KCNN2: variants seen among roughly 807,000 people sequenced by gnomAD.
KCNN2 encodes the protein potassium calcium-activated channel subfamily N member 2.
Under a neutral mutation model 55.5 loss-of-function variants are expected in KCNN2, and 24 were observed. The ratio of observed to expected loss-of-function variants is 0.43; its 90% CI spans 0.31 to 0.61. KCNN2 has a LOEUF of 0.61. KCNN2 is among the 20% of genes least tolerant of loss of function. The probability of loss-of-function intolerance (pLI) is 0.08; values close to 1 mark genes in which losing one functional copy is unlikely to be tolerated. For synonymous variants in KCNN2, 431 were observed against 336.1 expected, an observed-to-expected ratio of 1.28 and a Z score of -3.09; for missense variants, 754 against 853.6, an observed-to-expected ratio of 0.88 and a Z score of 1.45.
intron 2 of KCNN2, among the ~76,000 whole-genome samples, chr5:114,351,216 T>C (rs1188552864): frequency 1.3e-5 from 2 of 151,806 alleles, no homozygotes; most frequent in African/African-American, 4.8e-5. Flanking sequence ...ACTTTACAAA[T>C]GCAATCATTT....
intron 1 of KCNN2, among the ~76,000 whole-genome samples, chr5:114,133,133 A>T (rs1276807248): frequency 6.6e-6 from 1 of 152,180 alleles, no homozygotes; most frequent in African/African-American, 2.4e-5. Context: ...TGTCTATGTA[A>T]TTAGGGCATT....
At position 114,153,949 on chromosome 5, in the gene KCNN2, C is replaced by T. The variant is rs987703375; in HGVS notation, c.-270-67531C>T. On this transcript the variant is annotated intron_variant, in intron 1 of 10. Transcript: ENST00000512097. The stretch of plus-strand genomic sequence containing the variant: ...CTCTCAAGGTGATTTTCTAGACAAC[C>T]CTCTCCTAAGTTGCAGGCATTACTC... Among the ~76,000 whole-genome samples, 23 of 152,120 alleles carry T rather than the reference C, an allele frequency of 1.5e-4. 1 individual carries two copies. The highest frequency in any genetic ancestry group is 5.9e-4 in the Admixed American group (9 of 15,258).
intron 1 of KCNN2, among the ~76,000 whole-genome samples, chr5:114,089,336 C>T (rs2954366): frequency 0.78 from 118,823 of 152,092 alleles, 46,531 homozygotes; most frequent in African/African-American, 0.84. Context: ...ATTCCAGTCC[C>T]GGCTTAGTCC....
At chr5:114,180,155 T>G (rs370984737) in intron 1 of KCNN2, among the ~76,000 whole-genome samples, 1 of 152,176 alleles carries the variant, frequency 6.6e-6, no homozygotes, top group Admixed American at 6.5e-5. Context: ...ACAGTTTGAG[T>G]TGACAAATTC....
intron 2 of KCNN2, among the ~76,000 whole-genome samples, chr5:114,289,369 CTTTT>C (rs80026839): frequency 3.0e-5 from 4 of 132,108 alleles, no homozygotes; most frequent in Non-Finnish European, 3.2e-5. Context: ...TTAGAATCAA[CTTTT>C]TTTTTTTTTT....
At chr5:114,140,706 A>T (rs1413131415) in intron 1 of KCNN2, among the ~76,000 whole-genome samples, 1 of 149,870 alleles carries the variant, frequency 6.7e-6, no homozygotes, top group African/African-American at 2.4e-5. Flanking sequence ...ATAAAACCAA[A>T]AATGTTATCA....
At chr5:114,372,403 T>A (rs1757788571) in intron 2 of KCNN2, among the ~76,000 whole-genome samples, 1 of 152,196 alleles carries the variant, frequency 6.6e-6, no homozygotes, top group Non-Finnish European at 1.5e-5. Flanking sequence ...CTAGTTTGTG[T>A]ACAAGAATTT....
chr5:114,114,210 A>G (rs1183721185), intron 1 of KCNN2, among the ~76,000 whole-genome samples: 6 of 152,048 alleles, frequency 3.9e-5, no homozygotes. Flanking sequence ...CCTGGACTGC[A>G]CTGGTGGAAT....
At chr5:114,178,904 C>T (rs1753186220) in intron 1 of KCNN2, among the ~76,000 whole-genome samples, 1 of 152,116 alleles carries the variant, frequency 6.6e-6, no homozygotes, top group Non-Finnish European at 1.5e-5. Flanking sequence ...TTCCTGTGAC[C>T]TTCAGTCTTT....
At chr5:114,111,834 G>A (rs1751603869) in intron 1 of KCNN2, among the ~76,000 whole-genome samples, 2 of 152,174 alleles carry the variant, frequency 1.3e-5, no homozygotes, top group South Asian at 4.1e-4. Flanking sequence ...AACAACAGGT[G>A]CTGGAGAGGA....
chr5:114,074,096 C>T (rs951177346), intron 1 of KCNN2, among the ~76,000 whole-genome samples: 2 of 152,048 alleles, frequency 1.3e-5, no homozygotes, highest in African/African-American at 2.4e-5. Flanking sequence ...ATTATGAAAA[C>T]ACTATTTTTG....
At chr5:114,326,997 G>C (rs1756726657) in intron 2 of KCNN2, among the ~76,000 whole-genome samples, 1 of 152,148 alleles carries the variant, frequency 6.6e-6, no homozygotes, top group East Asian at 1.9e-4. Flanking sequence ...TCAAAAAGCA[G>C]ACAGATTAAA....
chr5:114,388,564 T>A (rs1236845389), intron 2 of KCNN2, among the ~76,000 whole-genome samples: 1 of 152,160 alleles, frequency 6.6e-6, no homozygotes, highest in Non-Finnish European at 1.5e-5. Context: ...TTATATATAG[T>A]CAATTTGTGT....
intron 2 of KCNN2, among the ~76,000 whole-genome samples, chr5:114,401,418 A>G (rs1758783870): frequency 6.6e-6 from 1 of 152,152 alleles, no homozygotes; most frequent in African/African-American, 2.4e-5. Flanking sequence ...AGCACATTTA[A>G]TTGATATTAG....
At chr5:114,154,554 A>G (rs1752592416) in intron 1 of KCNN2, among the ~76,000 whole-genome samples, 1 of 152,156 alleles carries the variant, frequency 6.6e-6, no homozygotes, top group South Asian at 2.1e-4. Flanking sequence ...AATGCTGTAA[A>G]TACCCTTTTA....
At chr5:114,373,662 T>TATATATATATATATATA (rs1757842046) in intron 2 of KCNN2, among the ~76,000 whole-genome samples, 1 of 50,996 alleles carries the variant, frequency 2.0e-5, no homozygotes, top group Non-Finnish European at 4.3e-5. Flanking sequence ...ATATATAAAA[T>TATATATATATATATATA]TACTTGGAAC....
chr5:114,485,148 G>A lies in KCNN2; in HGVS notation c.1891-1902G>A, dbSNP rs185948813. Among the ~76,000 whole-genome samples the A allele has an allele frequency of 3.9e-5, 6 of 152,288 alleles. No individual in the cohort carries two copies. In the East Asian group the frequency reaches 1.2e-3, roughly 29 times the overall value. ...GAAATCAAGTGCTATGTTCTACATT[G>A]AGGATTGCTATGTTCCATTGCTGTG... On this transcript the variant is annotated intron_variant, in intron 5 of 7. Transcript: ENST00000673685.
At chr5:114,311,999 A>G (rs983297753) in intron 2 of KCNN2, among the ~76,000 whole-genome samples, 1 of 152,150 alleles carries the variant, frequency 6.6e-6, no homozygotes, top group Non-Finnish European at 1.5e-5. Flanking sequence ...AAACCTCACT[A>G]TGAATTATTT....
At chr5:114,365,345 A>T (rs1290200772) in intron 2 of KCNN2, among the ~76,000 whole-genome samples, 2 of 152,252 alleles carry the variant, frequency 1.3e-5, no homozygotes, top group African/African-American at 4.8e-5. Flanking sequence ...CAGTTTACAT[A>T]GATTCATCTT....
Sources: allele counts gnomAD v4.1 joint callset (sites outside exome capture counted in the v4.1 genomes callset), GRCh38; gene constraint gnomAD v4.1.1; transcripts MANE v1.5; gene names NCBI Gene and HGNC (gene_info 2026-07-23, HGNC 2026-07-21).